The following ITPR1 variants were observed in gnomAD, a reference collection of about 807,000 sequenced individuals.
The protein encoded by ITPR1 is inositol 1,4,5-trisphosphate receptor type 1.
In ITPR1, 96 loss-of-function variants were observed where a neutral mutation model predicts 318.4. The observed-to-expected ratio is 0.30, with a 90% CI of 0.26 to 0.36. The LOEUF is 0.36. Ranked by LOEUF, ITPR1 falls within the 10% of genes least tolerant of loss-of-function variation. The probability of loss-of-function intolerance (pLI) is 1.00; values close to 1 mark genes in which losing one functional copy is unlikely to be tolerated. For synonymous variants in ITPR1, 1,312 were observed against 1,289.9 expected (o/e 1.02, Z -0.37); for missense variants, 2,440 against 3,460.2 (o/e 0.71, Z 7.40).
intron 39 of ITPR1, among the ~76,000 whole-genome samples, 198 bp downstream of exon 39, chr3:4,712,066 A>G (rs190290877): frequency 1.8e-4 from 27 of 152,362 alleles, no homozygotes; most frequent in Middle Eastern, 6.8e-3. Flanking sequence ...TTAAAAGTCA[A>G]ATATACTTAG....
At position 4,670,863 on chromosome 3, in the gene ITPR1, GGGAATTGGCTCA is replaced by G; in HGVS notation, c.2145_2156del (p.Glu715_Gln718del). 1 of 1,610,612 alleles carries G rather than the reference GGGAATTGGCTCA, an allele frequency of 6.2e-7. No individual in the cohort carries two copies. The highest frequency in any genetic ancestry group is 8.5e-7 in the Non-Finnish European group (1 of 1,178,252). ...AAAGAGATTCGCAGCAAGAGTGTGAGGGAATTGGCTCAGGATGCTAAAGAAGGGCAGAAGGAG... is the reference window on the plus strand; with the variant it reads ...AAAGAGATTCGCAGCAAGAGTGTGAGGGATGCTAAAGAAGGGCAGAAGGAG... On this transcript the variant is annotated inframe_deletion, in exon 20 of 62. Transcript: ENST00000649015.
chr3:4,684,183 G>C (rs2094350348), intron 28 of ITPR1, 98 bp from the exon 29 acceptor site: 1 of 785,144 alleles, frequency 1.3e-6, no homozygotes, highest in Admixed American at 2.1e-5. Context: ...AAACAGTATA[G>C]AACTCCCTTT....
chr3:4,721,360 A>G (rs983223504), intron 40 of ITPR1, among the ~76,000 whole-genome samples: 2 of 152,010 alleles, frequency 1.3e-5, no homozygotes. Flanking sequence ...ATTTTTGCTT[A>G]GTTCTGTTTC....
At chr3:4,749,956 A>G (rs1384267237) in intron 44 of ITPR1, 3 of 152,706 alleles carry the variant, frequency 2.0e-5, no homozygotes, top group African/African-American at 4.8e-5. Flanking sequence ...GCTCGTTTCC[A>G]TCACCATCTT....
intron 44 of ITPR1, among the ~76,000 whole-genome samples, chr3:4,738,276 G>A (rs368921219): frequency 3.3e-4 from 51 of 152,306 alleles, no homozygotes; most frequent in African/African-American, 1.1e-3. Flanking sequence ...GTGCTTTACT[G>A]TACCTATGTT....
chr3:4,773,588 C>T (rs1413474968), intron 46 of ITPR1, among the ~76,000 whole-genome samples: 2 of 152,122 alleles, frequency 1.3e-5, no homozygotes, highest in Non-Finnish European at 2.9e-5. Context: ...GTTTGACAGA[C>T]AGATGGGCCA....
Position 4,658,092 on chromosome 3 carries a change from T to C in ITPR1, c.997-32T>C, listed in dbSNP as rs2306870. 61,892 of 1,578,992 alleles carry C rather than the reference T, an allele frequency of 0.039. 6,045 individuals are homozygous for C. Among genetic ancestry groups the C allele is most frequent in the African/African-American group, 0.36 (26,539 of 73,934 alleles). The stretch of plus-strand genomic sequence containing the variant: ...TAGAAAGTGAAGGCTTTGGCATGCA[T>C]GGTTCTTGATTTGGTGACTTTACCT... On this transcript the variant is annotated intron_variant, in intron 12 of 61. Transcript: ENST00000649015.
intron 10 of ITPR1, among the ~76,000 whole-genome samples, chr3:4,647,578 A>G (rs1185687935): frequency 6.6e-6 from 1 of 152,220 alleles, no homozygotes; most frequent in Non-Finnish European, 1.5e-5. Flanking sequence ...TGAGAGTTCT[A>G]GTTCTTCCAT....
Position 4,653,826 on chromosome 3 carries a change from G to A in ITPR1, c.952-16G>A, listed in dbSNP as rs955190929. 3 of 1,598,858 alleles carry A rather than the reference G, an allele frequency of 1.9e-6. No homozygotes were observed. Among genetic ancestry groups the A allele is most frequent in the Non-Finnish European group, 2.6e-6 (3 of 1,169,482 alleles). On this transcript the variant is annotated splice_polypyrimidine_tract_variant and intron_variant, in intron 11 of 61. Transcript: ENST00000649015. Reference sequence around the variant, plus strand: ...GCAATGGATGTTTTAATTTCCTAATGATTCTTTTTCATCAGGTAGACCCTG... The same window carrying A: ...GCAATGGATGTTTTAATTTCCTAATAATTCTTTTTCATCAGGTAGACCCTG...
chr3:4,522,975 G>A (rs191676138), intron 4 of ITPR1, among the ~76,000 whole-genome samples: 1 of 152,360 alleles, frequency 6.6e-6, no homozygotes, highest in African/African-American at 2.4e-5. Flanking sequence ...ATCCAGCTCA[G>A]GGATTTTGAG....
intron 44 of ITPR1, among the ~76,000 whole-genome samples, chr3:4,736,890 C>T (rs1221490708): frequency 6.6e-6 from 1 of 152,154 alleles, no homozygotes; most frequent in Non-Finnish European, 1.5e-5. Context: ...GATGATGGGG[C>T]AGTGGTTTCC....
At chr3:4,628,005 T>G (rs1468662930) in intron 5 of ITPR1, 127 bp downstream of exon 5, 1 of 596,692 alleles carries the variant, frequency 1.7e-6, no homozygotes, top group East Asian at 2.8e-5. Flanking sequence ...TACTTTTTTT[T>G]TCGTGAAGGG....
At chr3:4,629,891 C>T (rs1428732373) in intron 5 of ITPR1, among the ~76,000 whole-genome samples, 1 of 152,148 alleles carries the variant, frequency 6.6e-6, no homozygotes, top group East Asian at 1.9e-4. Context: ...GAAGAAGAAA[C>T]AATGGACTCA....
intron 42 of ITPR1, among the ~76,000 whole-genome samples, chr3:4,729,468 T>TCA (rs1428329129): frequency 6.6e-6 from 1 of 152,198 alleles, no homozygotes; most frequent in Non-Finnish European, 1.5e-5. Context: ...GGCTCACAGC[T>TCA]CACATGAGAG....
chr3:4,795,357 C>A (rs1325135032), intron 53 of ITPR1, among the ~76,000 whole-genome samples, 170 bp downstream of exon 53: 1 of 152,152 alleles, frequency 6.6e-6, no homozygotes, highest in Non-Finnish European at 1.5e-5. Context: ...TTAAATCTAA[C>A]TTAAAATAAT....
chr3:4,610,882 T>C (rs2092033858), intron 4 of ITPR1, among the ~76,000 whole-genome samples: 1 of 135,376 alleles, frequency 7.4e-6, no homozygotes, highest in African/African-American at 2.8e-5. Context: ...CTTTCCTCTC[T>C]CTCCCCTTCC....
At chr3:4,685,974 G>A (rs530022843) in intron 30 of ITPR1, among the ~76,000 whole-genome samples, 2 of 152,308 alleles carry the variant, frequency 1.3e-5, no homozygotes, top group East Asian at 3.9e-4. Context: ...AGACTGATTT[G>A]CTAGAGAAGA....
At chr3:4,803,850 A>G (rs2048390408) in intron 54 of ITPR1, among the ~76,000 whole-genome samples, 1 of 152,180 alleles carries the variant, frequency 6.6e-6, no homozygotes, top group Non-Finnish European at 1.5e-5. Flanking sequence ...CAGCTATAAT[A>G]AATAATTATT....
chr3:4,835,884 G>C (rs1349515281), intron 60 of ITPR1, among the ~76,000 whole-genome samples: 1 of 152,174 alleles, frequency 6.6e-6, no homozygotes, highest in African/African-American at 2.4e-5. Context: ...AAAAGGATGG[G>C]GATGGACGGG....
Sources: allele counts gnomAD v4.1 joint callset (sites outside exome capture counted in the v4.1 genomes callset), GRCh38; gene constraint gnomAD v4.1.1; transcripts MANE v1.5; gene names NCBI Gene and HGNC (gene_info 2026-07-23, HGNC 2026-07-21).